Variants in BICRAL observed in about 807,000 individuals in gnomAD.
The protein encoded by BICRAL is BICRA like chromatin remodeling complex associated protein.
BICRAL carries 8 observed loss-of-function variants against 91.8 expected under a neutral mutation model. That is an observed-to-expected ratio of 0.09 (90% confidence interval 0.05 to 0.16). The LOEUF (loss-of-function observed/expected upper bound fraction) is 0.16. Ranked by LOEUF, BICRAL falls within the 10% of genes least tolerant of loss-of-function variation. The probability of loss-of-function intolerance (pLI) is 1.00; values close to 1 mark genes in which losing one functional copy is unlikely to be tolerated. For missense variants in BICRAL, 1,038 were observed against 1,310.9 expected (o/e 0.79, Z 3.21); for synonymous variants, 445 against 491.1 (o/e 0.91, Z 1.24).
chr6:42,854,692 A>G (rs1162825355), intron 8 of BICRAL, among the ~76,000 whole-genome samples: 1 of 150,256 alleles, frequency 6.7e-6, no homozygotes, highest in Admixed American at 6.6e-5. Context: ...TAATATTTTT[A>G]TATTTTTTTT....
intron 11 of BICRAL, among the ~76,000 whole-genome samples, chr6:42,860,809 C>A (rs1373802964): frequency 6.6e-6 from 1 of 152,176 alleles, no homozygotes; most frequent in Non-Finnish European, 1.5e-5. Flanking sequence ...AGATCATTGA[C>A]ATTCCATAAA....
intron 6 of BICRAL, among the ~76,000 whole-genome samples, chr6:42,830,854 A>C (rs932682247): frequency 2.0e-5 from 3 of 152,126 alleles, no homozygotes; most frequent in African/African-American, 7.2e-5. Context: ...TGGGCTCAAG[A>C]AATCCCCTGG....
intron 1 of BICRAL, among the ~76,000 whole-genome samples, chr6:42,759,717 G>A (rs1211942169): frequency 1.3e-5 from 2 of 152,140 alleles, no homozygotes; most frequent in Non-Finnish European, 2.9e-5. Flanking sequence ...GCATAACAAG[G>A]CACTTGCCTC....
upstream of BICRAL, among the ~76,000 whole-genome samples, chr6:42,778,511 C>A (rs1039923947): frequency 1.3e-5 from 2 of 152,168 alleles, no homozygotes; most frequent in African/African-American, 4.8e-5. Flanking sequence ...ACTTAGAAGA[C>A]CTTCAATAAA....
At position 42,864,659 on chromosome 6, in the gene BICRAL, A is replaced by G. The variant is rs566374829; in HGVS notation, c.2453A>G (p.Glu818Gly). The G allele has an allele frequency of 6.2e-7, 1 of 1,611,718 alleles. No individual in the cohort carries two copies. The highest frequency in any genetic ancestry group is 1.3e-5 in the African/African-American group (1 of 74,948). ...RDKRLALVDP[E>G]GFQADFCCSF... ...ATGTTCTTTTTGTTCCCATTTCCAGAGGGTTTTCAGGCTGATTTCTGTTGT... is the reference window on the plus strand; with the variant it reads ...ATGTTCTTTTTGTTCCCATTTCCAGGGGGTTTTCAGGCTGATTTCTGTTGT... Residue 818 changes from glutamate to glycine, a missense_variant and splice_region_variant, in exon 13 of 13, where the codon GAG becomes GGG. Transcript: ENST00000314073.
Position 42,829,583 on chromosome 6 carries a change from T to C in BICRAL, c.1250T>C (p.Val417Ala), listed in dbSNP as rs776416516. Residue 417 changes from valine (V) to alanine (A), a missense_variant, in exon 6 of 13, where the codon GTC becomes GCC. Val to Ala is a moderately conservative substitution (Grantham distance 64, BLOSUM62 0). Transcript: ENST00000314073. Reference sequence around the variant, plus strand: ...GTCAGTTCCAACTCGGTACACCACGTCCAGACTATAAATGGGCAACTTCTT... The same window carrying C: ...GTCAGTTCCAACTCGGTACACCACGCCCAGACTATAAATGGGCAACTTCTT... ...LSVSSNSVHH[V>A]QTINGQLLQT... 1 of 1,614,202 alleles carries C rather than the reference T, an allele frequency of 6.2e-7. No homozygotes were observed. The highest frequency in any genetic ancestry group is 1.7e-5 in the Admixed American group (1 of 60,020).
Position 42,843,868 on chromosome 6 carries a change from G to C in BICRAL, c.1840-8224G>C, listed in dbSNP as rs181268614. Among the ~76,000 whole-genome samples, 3 of 149,248 alleles carry C rather than the reference G, an allele frequency of 2.0e-5. No homozygotes were observed. The East Asian group carries it at 6.0e-4, about 30-fold the overall frequency. On this transcript the variant is annotated intron_variant, in intron 6 of 12. Transcript: ENST00000314073. ...CAGGCGAGTGCAATAGCACGATCTC[G>C]GCTCACTGCAACCTCCTTCTCCCTG... is the stretch of plus-strand genomic sequence containing the variant.
intron 10 of BICRAL, among the ~76,000 whole-genome samples, chr6:42,859,175 G>A (rs1765477966): frequency 6.6e-6 from 1 of 152,074 alleles, no homozygotes; most frequent in Admixed American, 6.6e-5. Context: ...CAGATCATGA[G>A]GTCAGGAGTT....
At chr6:42,808,542 T>C (rs997529209) in intron 1 of BICRAL, among the ~76,000 whole-genome samples, 7 of 152,360 alleles carry the variant, frequency 4.6e-5, no homozygotes, top group African/African-American at 1.4e-4. Context: ...AGATTCACCA[T>C]TGTTGATGAT....
intron 1 of BICRAL, among the ~76,000 whole-genome samples, chr6:42,801,718 C>A (rs1421783531): frequency 6.6e-6 from 1 of 151,474 alleles, no homozygotes. Flanking sequence ...CCTGTCTCTA[C>A]TAAACATACA....
In BICRAL at chr6:42,840,049, G is replaced by A. The variant is rs549751529; in HGVS notation, c.1839+9877G>A. Among the ~76,000 whole-genome samples, 14 of 152,262 alleles carry A rather than the reference G, an allele frequency of 9.2e-5. No homozygotes were observed. In the South Asian group the frequency reaches 2.7e-3, roughly 29 times the overall value. On this transcript the variant is annotated intron_variant, in intron 6 of 12. Coordinates refer to ENST00000314073, the MANE Select transcript of BICRAL (RefSeq NM_001393499.1). ...AAATAATCTATCAAACAAAAGTAAA[G>A]AAATTAGTATAGGTCCAAATTTCTC...
chr6:42,817,477 CTTT>C (rs1278866567), intron 2 of BICRAL, among the ~76,000 whole-genome samples: 2 of 140,914 alleles, frequency 1.4e-5, no homozygotes, highest in Non-Finnish European at 1.6e-5. Context: ...TACAAGAACT[CTTT>C]TTTTTTTTTT....
At chr6:42,767,062 G>T (rs1020251175) in intron 1 of BICRAL, among the ~76,000 whole-genome samples, 14 of 150,434 alleles carry the variant, frequency 9.3e-5, no homozygotes, top group South Asian at 4.2e-4. Context: ...AAAAGAAGAA[G>T]AATAGATTGA....
At chr6:42,859,502 G>A (rs772300504) in intron 10 of BICRAL, among the ~76,000 whole-genome samples, 1 of 152,046 alleles carries the variant, frequency 6.6e-6, no homozygotes, top group Non-Finnish European at 1.5e-5. Context: ...GACCATGACA[G>A]TTTAATGTAA....
chr6:42,865,299 C>T lies in BICRAL; in HGVS notation c.3093C>T (p.Ser1031=), dbSNP rs753462415. Reference sequence around the variant, plus strand: ...AGCCCCAGAGTGACCCCACGGTTAGCGGCTCTGTTGAGTTAGATTTCCCCA... The same window carrying T: ...AGCCCCAGAGTGACCCCACGGTTAGTGGCTCTGTTGAGTTAGATTTCCCCA... ...GRQPQSDPTV[S]GSVELDFPNF... Residue 1031 remains serine (S), a synonymous_variant, in exon 13 of 13, where the codon AGC becomes AGT. Transcript: ENST00000314073. The T allele has an allele frequency of 1.4e-5, 22 of 1,613,948 alleles. No individual in the cohort carries two copies. Among genetic ancestry groups the T allele is most frequent in the Middle Eastern group, 3.3e-4 (2 of 6,084 alleles).
At position 42,829,013 on chromosome 6, in the gene BICRAL, C is replaced by G. The variant is rs1276853177; in HGVS notation, c.680C>G (p.Thr227Ser). 13 of 1,613,102 alleles carry G rather than the reference C, an allele frequency of 8.1e-6. No individual in the cohort carries two copies. Among genetic ancestry groups the G allele is most frequent in the Non-Finnish European group, 1.7e-6 (2 of 1,179,212 alleles). The change falls in exon 6 of 13, where the codon ACT (threonine) becomes AGT (serine). Residue 227 changes from threonine (T) to serine (S), a missense_variant. This residue lies in a region of BICRAL where 532 missense variants were observed against 724.9 expected (regional missense o/e 0.73). Coordinates refer to ENST00000314073, the MANE Select transcript of BICRAL (RefSeq NM_001393499.1). Reference sequence around the variant, plus strand: ...TTTGGTAATCATCCTTCCATGATGACTATTAATAACCTAGATGGATCTCAA... The same window carrying G: ...TTTGGTAATCATCCTTCCATGATGAGTATTAATAACCTAGATGGATCTCAA... ...GSFGNHPSMMTINNLDGSQII... is the reference protein window; with the variant it reads ...GSFGNHPSMMSINNLDGSQII...
chr6:42,826,157 G>C (rs1040126932), intron 5 of BICRAL, among the ~76,000 whole-genome samples: 21 of 137,730 alleles, frequency 1.5e-4, no homozygotes, highest in Admixed American at 2.9e-4. Flanking sequence ...AAGTTACTTG[G>C]CCAAATAGTA....
intron 1 of BICRAL, among the ~76,000 whole-genome samples, chr6:42,772,920 G>A (rs774456431): frequency 9.2e-5 from 14 of 152,128 alleles, no homozygotes; most frequent in Non-Finnish European, 1.9e-4. Flanking sequence ...AAATGAACTG[G>A]CAGTAGACAG....
chr6:42,754,205 T>C (rs1333543865), intron 1 of BICRAL, among the ~76,000 whole-genome samples: 1 of 151,146 alleles, frequency 6.6e-6, no homozygotes, highest in African/African-American at 2.4e-5. Flanking sequence ...GGAGTCTTGC[T>C]CTGTTGCCCA....
Sources: gnomAD v4.1 joint callset for allele counts (sites outside exome capture counted in the v4.1 genomes callset) on GRCh38, gnomAD v4.1.1 for gene constraint, gnomAD v4.1.1 regional missense constraint, MANE v1.5 for transcripts, NCBI Gene and HGNC (gene_info 2026-07-23, HGNC 2026-07-21) for gene names.